Variants in ANKRD44 observed in about 807,000 individuals in gnomAD.
The protein encoded by ANKRD44 is ankyrin repeat domain 44, also known as serine/threonine-protein phosphatase 6 regulatory ankyrin repeat subunit B.
Under a neutral mutation model 116.0 loss-of-function variants are expected in ANKRD44, and 35 were observed. The ratio of observed to expected loss-of-function variants is 0.30; its 90% CI spans 0.23 to 0.40. The LOEUF is 0.40. Among genes scored for constraint, ANKRD44 ranks in the 10% least tolerant of loss-of-function variants. The pLI is 1.00. For missense variants in ANKRD44, 1,014 were observed against 1,242.6 expected, an observed-to-expected ratio of 0.82 and a Z score of 2.77; for synonymous variants, 435 against 461.8, an observed-to-expected ratio of 0.94 and a Z score of 0.74.
intron 1 of ANKRD44, among the ~76,000 whole-genome samples, chr2:197,275,428 C>CAA (rs527811437): frequency 9.3e-5 from 9 of 97,244 alleles, no homozygotes; most frequent in South Asian, 7.0e-4. Context: ...CCAGTCTCTT[C>CAA]AAAAAAAAAA....
In ANKRD44 at chr2:197,101,925, T is replaced by A. The variant is rs529170394; in HGVS notation, c.986-1995A>T. 2.6e-5 allele frequency among the ~76,000 whole-genome samples: 4 copies of A among 152,336 alleles called. No homozygotes were observed. The South Asian group carries it at 8.3e-4, about 32-fold the overall frequency. On this transcript the variant is annotated intron_variant, in intron 9 of 27. Coordinates refer to ENST00000282272, the MANE Select transcript of ANKRD44 (RefSeq NM_001195144.2). Reference sequence around the variant, plus strand: ...TTTAATAATATGTAAAATACATGTTTCAAAAGTCAAAAGTCATATTTTTGA... The same window carrying A: ...TTTAATAATATGTAAAATACATGTTACAAAAGTCAAAAGTCATATTTTTGA...
At chr2:197,080,866 C>T (rs1301561401) in intron 15 of ANKRD44, among the ~76,000 whole-genome samples, 2 of 152,194 alleles carry the variant, frequency 1.3e-5, no homozygotes, top group African/African-American at 4.8e-5. Context: ...CATAGAGCAC[C>T]ATATCCACTG....
chr2:196,972,941 C>T (rs2075725691), intron 21 of ANKRD44, among the ~76,000 whole-genome samples: 1 of 152,164 alleles, frequency 6.6e-6, no homozygotes. Flanking sequence ...AATTAAAGAG[C>T]AGAAAGCATT....
rs569821629 is a variant in ANKRD44 at position 197,122,510 on chromosome 2, C to A, written c.693+140G>T. 17 of 1,089,966 alleles carry A rather than the reference C, an allele frequency of 1.6e-5. No homozygotes were observed. In the South Asian group the frequency reaches 2.7e-4, roughly 17 times the overall value. 67.5% of individuals were successfully genotyped at this position (1,089,966 alleles called of 1,614,324 possible). A position where few individuals can be genotyped will look rare whatever the true frequency, so the allele number is the denominator to read the frequency against. On this transcript the variant is annotated intron_variant, in intron 7 of 27. Transcript: ENST00000282272. Reference sequence around the variant, plus strand: ...TGCCCCCACTGCCCTTCATCAGTTGCCCACAAAAACTCAAAAAGACAGGAT... The same window carrying A: ...TGCCCCCACTGCCCTTCATCAGTTGACCACAAAAACTCAAAAAGACAGGAT...
chr2:196,971,911 C>T (rs2075718439), intron 21 of ANKRD44, among the ~76,000 whole-genome samples: 1 of 152,200 alleles, frequency 6.6e-6, no homozygotes, highest in African/African-American at 2.4e-5. Flanking sequence ...ACTCAGAGGT[C>T]CTGAGCCCAC....
At chr2:196,991,443 G>A (rs2075914363) in intron 27 of ANKRD44, among the ~76,000 whole-genome samples, 1 of 152,128 alleles carries the variant, frequency 6.6e-6, no homozygotes, top group African/African-American at 2.4e-5. Context: ...GAGTAATGAA[G>A]TTTTGTCACT....
intron 1 of ANKRD44, among the ~76,000 whole-genome samples, chr2:197,209,759 AG>A (rs1482507551): frequency 6.6e-6 from 1 of 152,242 alleles, no homozygotes; most frequent in African/African-American, 2.4e-5. Context: ...TGTCATGAAA[AG>A]CTAAAGCACA....
At chr2:197,056,594 G>A (rs1456204084) in intron 16 of ANKRD44, among the ~76,000 whole-genome samples, 1 of 151,968 alleles carries the variant, frequency 6.6e-6, no homozygotes, top group East Asian at 1.9e-4. Flanking sequence ...CATTTATTTA[G>A]GACATCTTTA....
At chr2:197,283,130 A>G (rs2083312812) in intron 1 of ANKRD44, among the ~76,000 whole-genome samples, 1 of 152,220 alleles carries the variant, frequency 6.6e-6, no homozygotes, top group African/African-American at 2.4e-5. Context: ...TCACTGACCC[A>G]CAGGATAGGT....
At chr2:196,996,895 T>A (rs1167471651) in intron 25 of ANKRD44, among the ~76,000 whole-genome samples, 3 of 100,670 alleles carry the variant, frequency 3.0e-5, no homozygotes, top group Admixed American at 1.3e-4. Context: ...CAAGTAAGAC[T>A]CTGCCTCAAA....
intron 2 of ANKRD44, chr2:197,147,997 C>T (rs2079548527): frequency 2.7e-6 from 1 of 367,070 alleles, no homozygotes; most frequent in Admixed American, 3.3e-5. Context: ...CAGTCTGTAT[C>T]TTTGGCAAGG....
At chr2:196,994,130 T>C (rs1156370867) in intron 26 of ANKRD44, among the ~76,000 whole-genome samples, 1 of 152,230 alleles carries the variant, frequency 6.6e-6, no homozygotes, top group Non-Finnish European at 1.5e-5. Context: ...GAATTTATAA[T>C]ACCTTAAAGA....
chr2:197,125,399 G>A lies in ANKRD44; in HGVS notation c.532C>T (p.His178Tyr), dbSNP rs752155938. Reference sequence around the variant, plus strand: ...TCCTTACCCATGTATGCTGCCCAGTGCAGAGCACGCCGGTCCTTCTTGTCA... The same window carrying A: ...TCCTTACCCATGTATGCTGCCCAGTACAGAGCACGCCGGTCCTTCTTGTCA... Reference protein sequence around the residue: ...AFDKKDRRALHWAAYMGHLDV... With the variant: ...AFDKKDRRALYWAAYMGHLDV... Residue 178 changes from histidine to tyrosine, a missense_variant, in exon 6 of 28, where the codon CAC becomes TAC. His to Tyr is a moderately conservative substitution (Grantham distance 83). Transcript: ENST00000282272. 1.2e-6 allele frequency: 2 copies of A among 1,614,176 alleles called. No homozygotes were observed. Among genetic ancestry groups the A allele is most frequent in the Non-Finnish European group, 1.7e-6 (2 of 1,180,010 alleles).
chr2:197,153,286 A>AAGG (rs1222015085), intron 2 of ANKRD44, among the ~76,000 whole-genome samples: 15 of 150,338 alleles, frequency 1.0e-4, no homozygotes, highest in Non-Finnish European at 1.9e-4. Context: ...GAAGAGGAAG[A>AAGG]AGGAGGAGGA....
At chr2:197,057,207 A>C (rs972944488) in intron 16 of ANKRD44, among the ~76,000 whole-genome samples, 1 of 152,244 alleles carries the variant, frequency 6.6e-6, no homozygotes, top group South Asian at 2.1e-4. Flanking sequence ...ATTTATCACA[A>C]ATAGGTATTG....
chr2:197,301,297 T>C (rs2083901041), intron 1 of ANKRD44: 4 of 152,340 alleles, frequency 2.6e-5, no homozygotes, highest in Admixed American at 2.6e-4. Flanking sequence ...GCTGTATCAT[T>C]GCTATGTAGA....
At chr2:197,153,684 G>T (rs561464484) in intron 2 of ANKRD44, among the ~76,000 whole-genome samples, 45 of 152,282 alleles carry the variant, frequency 3.0e-4, no homozygotes, top group Non-Finnish European at 6.2e-4. Flanking sequence ...AGTCCCATAT[G>T]TGCCCACCAG....
chr2:197,145,621 G>A (rs149658983), intron 3 of ANKRD44, among the ~76,000 whole-genome samples: 17 of 152,328 alleles, frequency 1.1e-4, no homozygotes, highest in South Asian at 6.2e-4. Context: ...CATCAGGAGC[G>A]TGGGGCACAC....
intron 1 of ANKRD44, among the ~76,000 whole-genome samples, chr2:197,275,490 T>A (rs1438596132): frequency 6.6e-6 from 1 of 150,676 alleles, no homozygotes; most frequent in Non-Finnish European, 1.5e-5. Flanking sequence ...GGGGGATCCA[T>A]GCCATTTACT....
Sources: allele counts gnomAD v4.1 joint callset (sites outside exome capture counted in the v4.1 genomes callset), GRCh38; gene constraint gnomAD v4.1.1; transcripts MANE v1.5; gene names NCBI Gene and HGNC (gene_info 2026-07-23, HGNC 2026-07-21).